SGIP1: variants seen among roughly 807,000 people sequenced by gnomAD.
SGIP1 encodes SH3-containing GRB2-like protein 3-interacting protein 1.
Under a neutral mutation model 107.5 loss-of-function variants are expected in SGIP1, and 38 were observed. The ratio of observed to expected loss-of-function variants is 0.35; its 90% CI spans 0.27 to 0.46. The LOEUF is 0.46. Among genes scored for constraint, SGIP1 ranks in the 20% least tolerant of loss-of-function variants. The pLI is 1.00. For synonymous variants in SGIP1, 365 were observed against 366.1 expected, an observed-to-expected ratio of 1.00 and a Z score of 0.03; for missense variants, 929 against 1,019.5, an observed-to-expected ratio of 0.91 and a Z score of 1.21.
At chr1:66,684,051 A>G (rs886232030) in intron 15 of SGIP1, 10 of 1,546,118 alleles carry the variant, frequency 6.5e-6, no homozygotes, top group Admixed American at 5.9e-5. Flanking sequence ...CTTTTTGTAC[A>G]TTATTTCATA....
rs772544970 is a variant in SGIP1, at chr1:66,741,269, T to A, written c.2300-3T>A. Reference sequence around the variant, plus strand: ...TACCTTGTAATAATGTGTTTTTTTTTAGGGGTGGGTTCTTTGTTGGCAAGA... The same window carrying A: ...TACCTTGTAATAATGTGTTTTTTTTAAGGGGTGGGTTCTTTGTTGGCAAGA... On this transcript the variant is annotated splice_polypyrimidine_tract_variant and splice_region_variant and intron_variant, in intron 23 of 24. Transcript: ENST00000371037. 2.5e-6 allele frequency: 4 copies of A among 1,569,202 alleles called. No homozygotes were observed. The South Asian group carries it at 4.8e-5, about 19-fold the overall frequency.
intron 1 of SGIP1, among the ~76,000 whole-genome samples, chr1:66,601,325 AC>A (rs1381248123): frequency 6.6e-6 from 1 of 152,182 alleles, no homozygotes; most frequent in Non-Finnish European, 1.5e-5. Context: ...AGATCGCGCC[AC>A]TGCACTCCAG....
intron 18 of SGIP1, among the ~76,000 whole-genome samples, chr1:66,707,679 C>G (rs1358794884): frequency 6.6e-6 from 1 of 152,134 alleles, no homozygotes; most frequent in East Asian, 1.9e-4. Flanking sequence ...TTTCTCCCAC[C>G]AGCAGTTGCA....
At chr1:66,596,384 G>A (rs1344262304) in intron 1 of SGIP1, among the ~76,000 whole-genome samples, 1 of 152,154 alleles carries the variant, frequency 6.6e-6, no homozygotes, top group East Asian at 1.9e-4. Flanking sequence ...CTGGGTCTGG[G>A]ACCTTTTATG....
intron 15 of SGIP1, among the ~76,000 whole-genome samples, chr1:66,682,745 C>T (rs553593078): frequency 1.3e-5 from 2 of 151,582 alleles, no homozygotes; most frequent in Non-Finnish European, 2.9e-5. Flanking sequence ...CGGATGCCCC[C>T]ACAAGGACAC....
chr1:66,593,319 A>G (rs755840384), intron 1 of SGIP1, among the ~76,000 whole-genome samples: 3 of 152,188 alleles, frequency 2.0e-5, no homozygotes, highest in Non-Finnish European at 2.9e-5. Flanking sequence ...AAGGAGCACA[A>G]TTGCTGGATC....
intron 3 of SGIP1, among the ~76,000 whole-genome samples, chr1:66,635,503 G>C (rs1242535887): frequency 6.6e-6 from 1 of 152,238 alleles, no homozygotes; most frequent in Non-Finnish European, 1.5e-5. Context: ...GCTATCAGCT[G>C]TGTGTGCTGT....
At chr1:66,571,888 C>G (rs1176296285) in intron 1 of SGIP1, among the ~76,000 whole-genome samples, 1 of 151,970 alleles carries the variant, frequency 6.6e-6, no homozygotes, top group African/African-American at 2.4e-5. Context: ...TCTCAGGTGA[C>G]AAATTTACTC....
Position 66,682,782 on chromosome 1 carries a change from T to C in SGIP1, c.1315+413T>C, listed in dbSNP as rs115194639. 5.7e-3 allele frequency among the ~76,000 whole-genome samples: 863 copies of C among 151,460 alleles called. 13 individuals are homozygous for C. The highest frequency in any genetic ancestry group is 0.019 in the African/African-American group (787 of 41,304). ...AGGTTTTGTGGGCCAATGTGTTATG[T>C]GTGTATGTAGGCAAGCAGGAGGGGG... On this transcript the variant is annotated intron_variant, in intron 15 of 24. Transcript: ENST00000371037.
At chr1:66,534,488 A>G (rs1366990129) in intron 1 of SGIP1, 120 bp downstream of exon 1, 1 of 1,132,904 alleles carries the variant, frequency 8.8e-7, no homozygotes, top group Non-Finnish European at 1.3e-6. Context: ...ATGTTTTGCA[A>G]GCAGAAATGC....
intron 1 of SGIP1, among the ~76,000 whole-genome samples, chr1:66,601,963 C>T (rs2065924545): frequency 6.6e-6 from 1 of 152,168 alleles, no homozygotes; most frequent in Admixed American, 6.5e-5. Context: ...GTACATAGAT[C>T]CCTTTCTCTG....
At chr1:66,712,745 T>G (rs618093) in intron 18 of SGIP1, among the ~76,000 whole-genome samples, 94,979 of 151,954 alleles carry the variant, frequency 0.63, 30,457 homozygotes, top group East Asian at 1. Context: ...ATGTCATACT[T>G]CTGTTAAGAA....
At chr1:66,719,444 T>C (rs1320951659) in intron 19 of SGIP1, 39 bp downstream of exon 19, 2 of 1,535,684 alleles carry the variant, frequency 1.3e-6, no homozygotes, top group Admixed American at 3.5e-5. Flanking sequence ...TTCTGAGTTC[T>C]GTCCTATTGA....
intron 1 of SGIP1, among the ~76,000 whole-genome samples, chr1:66,554,977 A>G (rs2057976339): frequency 6.6e-6 from 1 of 152,070 alleles, no homozygotes; most frequent in African/African-American, 2.4e-5. Flanking sequence ...AATCATCTCA[A>G]CTGGTTAGGA....
intron 1 of SGIP1, among the ~76,000 whole-genome samples, chr1:66,548,852 C>T (rs1367980809): frequency 6.6e-6 from 1 of 152,112 alleles, no homozygotes; most frequent in East Asian, 1.9e-4. Flanking sequence ...AATTCATAGC[C>T]CTCTCTTCCT....
At chr1:66,674,446 T>C (rs1293190654) in intron 12 of SGIP1, among the ~76,000 whole-genome samples, 7 of 152,198 alleles carry the variant, frequency 4.6e-5, no homozygotes, top group African/African-American at 7.2e-5. Flanking sequence ...AAAAATTATT[T>C]GACTTAGGGG....
chr1:66,709,628 T>G (rs1034147273), intron 18 of SGIP1, among the ~76,000 whole-genome samples: 1 of 152,156 alleles, frequency 6.6e-6, no homozygotes, highest in South Asian at 2.1e-4. Context: ...AGGTTTGCCC[T>G]TTTTCCTCTG....
chr1:66,712,077 C>T (rs966139560), intron 18 of SGIP1, among the ~76,000 whole-genome samples: 1 of 152,116 alleles, frequency 6.6e-6, no homozygotes, highest in Non-Finnish European at 1.5e-5. Context: ...CTTAAGCACT[C>T]TAGCTTTCCC....
At chr1:66,676,975 C>A in intron 12 of SGIP1, 29 bp from the exon 13 acceptor site, 1 of 1,564,986 alleles carries the variant, frequency 6.4e-7, no homozygotes, top group Non-Finnish European at 8.7e-7. Flanking sequence ...TTTTAACTCA[C>A]CCTGGGAAAT....
Sources: allele counts gnomAD v4.1 joint callset (sites outside exome capture counted in the v4.1 genomes callset), GRCh38; gene constraint gnomAD v4.1.1; transcripts MANE v1.5; gene names NCBI Gene and HGNC (gene_info 2026-07-23, HGNC 2026-07-21).